MCCC1: variants seen among roughly 807,000 people sequenced by gnomAD.
The protein encoded by MCCC1 is methylcrotonyl-CoA carboxylase subunit 1, also known as methylcrotonoyl-CoA carboxylase subunit alpha, mitochondrial.
Under a neutral mutation model 83.8 loss-of-function variants are expected in MCCC1, and 64 were observed. The ratio of observed to expected loss-of-function variants is 0.76; its 90% CI spans 0.62 to 0.94. The LOEUF is 0.94. Ranked by LOEUF, MCCC1 falls within the 40% of genes least tolerant of loss-of-function variation. The probability of loss-of-function intolerance (pLI) is 0.00; values close to 1 mark genes in which losing one functional copy is unlikely to be tolerated. For synonymous variants in MCCC1, 322 were observed against 315.4 expected (o/e 1.02, Z -0.22); for missense variants, 807 against 904.7 (o/e 0.89, Z 1.39).
chr3:183,032,782 G>A (rs1371036427), intron 14 of MCCC1, among the ~76,000 whole-genome samples: 4 of 151,828 alleles, frequency 2.6e-5, no homozygotes, highest in Non-Finnish European at 1.5e-5. Flanking sequence ...GCTGAGGCAT[G>A]AGAATGGCAC....
At chr3:183,109,445 T>G (rs1719455941) in intron 1 of MCCC1, among the ~76,000 whole-genome samples, 1 of 152,210 alleles carries the variant, frequency 6.6e-6, no homozygotes, top group African/African-American at 2.4e-5. Context: ...CCTATTGTTC[T>G]AATGTTTGTA....
chr3:183,098,226 G>A (rs1022599206), intron 1 of MCCC1, among the ~76,000 whole-genome samples: 2 of 152,196 alleles, frequency 1.3e-5, no homozygotes, highest in Non-Finnish European at 2.9e-5. Context: ...ACCGCGCCCC[G>A]CCAACTTCCA....
chr3:183,045,519 T>C lies in MCCC1; in HGVS notation c.977A>G (p.Asp326Gly). 1 of 1,614,036 alleles carries C rather than the reference T, an allele frequency of 6.2e-7. No homozygotes were observed. Among genetic ancestry groups the C allele is most frequent in the South Asian group, 1.1e-5 (1 of 91,080 alleles). ...VGAGTVEFIMDSKHNFCFMEM... is the reference protein window; with the variant it reads ...VGAGTVEFIMGSKHNFCFMEM... ...CATGAAACAGAAATTATGTTTTGAG[T>C]CCATAATAAACTCCACAGTCCCTAA... The change falls in exon 10 of 19, where the codon GAC becomes GGC. Residue 326 changes from aspartate to glycine, a missense_variant. By Grantham distance (94) the Asp-to-Gly change is moderately conservative. Transcript: ENST00000265594.
chr3:183,089,080 A>G (rs1159953413), intron 3 of MCCC1, among the ~76,000 whole-genome samples: 2 of 152,228 alleles, frequency 1.3e-5, no homozygotes, highest in Admixed American at 6.5e-5. Context: ...CTGGTTAATC[A>G]GCCTTGAAAT....
intron 4 of MCCC1, among the ~76,000 whole-genome samples, chr3:183,083,918 G>C (rs1298761562): frequency 2.6e-5 from 4 of 152,218 alleles, no homozygotes; most frequent in Non-Finnish European, 4.4e-5. Flanking sequence ...CCAATGAATA[G>C]GGAATGGGGC....
intron 10 of MCCC1, among the ~76,000 whole-genome samples, chr3:183,044,182 T>G (rs1488717318): frequency 5.3e-5 from 8 of 152,190 alleles, no homozygotes; most frequent in Non-Finnish European, 5.9e-5. Context: ...ATGCAGGATA[T>G]ACAAGGAACC....
intron 4 of MCCC1, among the ~76,000 whole-genome samples, chr3:183,084,706 G>A (rs1340117557): frequency 6.6e-6 from 1 of 152,140 alleles, no homozygotes; most frequent in African/African-American, 2.4e-5. Context: ...AAGATCACTT[G>A]AGGCCAGGAG....
chr3:183,059,513 T>G (rs1435878330), intron 7 of MCCC1, among the ~76,000 whole-genome samples: 22 of 152,212 alleles, frequency 1.4e-4, no homozygotes, highest in Admixed American at 1.4e-3. Context: ...TTAAACAAAC[T>G]GTTATCTGTT....
In MCCC1 at chr3:183,039,089, G is replaced by A. The variant is rs774243822; in HGVS notation, c.1314C>T (p.Val438=). ...CCGCCTGGCGATCTGCTGCCCACACGACCAGCTTCGCAATCATGGGGTCAT... is the reference window on the plus strand; with the variant it reads ...CCGCCTGGCGATCTGCTGCCCACACAACCAGCTTCGCAATCATGGGGTCAT... The part of the protein sequence containing the change: ...VHYDPMIAKL[V]VWAADRQAAL... Residue 438 remains valine (V), a synonymous_variant, in exon 12 of 19, where the codon GTC becomes GTT. Transcript: ENST00000265594. 2.6e-5 allele frequency: 42 copies of A among 1,614,026 alleles called. No homozygotes were observed. Among genetic ancestry groups the A allele is most frequent in the Admixed American group, 5.0e-5 (3 of 60,004 alleles).
At chr3:183,071,861 C>A (rs1342218297) in intron 5 of MCCC1, among the ~76,000 whole-genome samples, 1 of 129,200 alleles carries the variant, frequency 7.7e-6, no homozygotes, top group Non-Finnish European at 1.6e-5. Flanking sequence ...GTCACCATAC[C>A]CAGCTGAATT....
intron 7 of MCCC1, among the ~76,000 whole-genome samples, chr3:183,067,882 AT>A (rs1291794196): frequency 6.6e-5 from 10 of 151,984 alleles, no homozygotes; most frequent in Non-Finnish European, 1.0e-4. Flanking sequence ...AGCTTACCAA[AT>A]TTTTTTTTAA....
chr3:183,015,418 G>T lies in MCCC1; in HGVS notation c.*20C>A. On this transcript the variant is annotated 3_prime_UTR_variant, in exon 19 of 19. Transcript: ENST00000265594. ...TGGAGAGAGAAGACACTACTTAACT[G>T]GCCATTTCCTTGCTGGAGTTTATTC... 1 of 1,613,746 alleles carries T rather than the reference G, an allele frequency of 6.2e-7. No homozygotes were observed. Among genetic ancestry groups the T allele is most frequent in the Non-Finnish European group, 8.5e-7 (1 of 1,179,800 alleles).
intron 14 of MCCC1, among the ~76,000 whole-genome samples, chr3:183,032,997 T>C (rs1303839393): frequency 6.6e-6 from 1 of 152,196 alleles, no homozygotes; most frequent in Admixed American, 6.5e-5. Context: ...CTGCTCTACC[T>C]GGGAGGCATA....
At chr3:183,112,913 A>AT (rs1201235876) in intron 1 of MCCC1, among the ~76,000 whole-genome samples, 1 of 151,838 alleles carries the variant, frequency 6.6e-6, no homozygotes, top group Non-Finnish European at 1.5e-5. Context: ...ATCTTAAAAA[A>AT]TAAAAAAAAA....
intron 7 of MCCC1, among the ~76,000 whole-genome samples, chr3:183,070,069 T>C (rs567767578): frequency 3.3e-5 from 5 of 152,316 alleles, no homozygotes; most frequent in African/African-American, 1.2e-4. Context: ...ATGAGGTTGT[T>C]GTAAGAATTA....
upstream of MCCC1, among the ~76,000 whole-genome samples, chr3:183,101,775 G>C (rs1719312295): frequency 6.6e-6 from 1 of 152,138 alleles, no homozygotes; most frequent in South Asian, 2.1e-4. Context: ...CTCACTCTTT[G>C]GGTCCACGCT....
At chr3:183,102,725 GA>G (rs1719333933), upstream of MCCC1, among the ~76,000 whole-genome samples, 1 of 123,018 alleles carries the variant, frequency 8.1e-6, no homozygotes, top group South Asian at 2.9e-4. Context: ...AAAAGTTCTA[GA>G]AGACATTATG....
At chr3:183,027,296 T>C (rs184123113) in intron 14 of MCCC1, among the ~76,000 whole-genome samples, 2 of 152,162 alleles carry the variant, frequency 1.3e-5, no homozygotes, top group Admixed American at 1.3e-4. Context: ...ATTAGACTAA[T>C]TAATAACCCT....
intron 8 of MCCC1, among the ~76,000 whole-genome samples, chr3:183,052,872 T>C (rs1334030148): frequency 6.8e-6 from 1 of 147,962 alleles, no homozygotes; most frequent in African/African-American, 2.5e-5. Context: ...TACTTGATAA[T>C]ACAACTACGC....
Sources: gnomAD v4.1 joint callset for allele counts (sites outside exome capture counted in the v4.1 genomes callset) on GRCh38, gnomAD v4.1.1 for gene constraint, MANE v1.5 for transcripts, NCBI Gene and HGNC (gene_info 2026-07-23, HGNC 2026-07-21) for gene names.